PVT1: variants seen among roughly 807,000 people sequenced by gnomAD.
PVT1 encodes CXCR4/PVT1 fusion.
At chr8:127,919,213 G>A (rs543625244) in intron 3 of PVT1, among the ~76,000 whole-genome samples, 90 of 152,308 alleles carry the variant, frequency 5.9e-4, no homozygotes, top group African/African-American at 2.1e-3. Context: ...TGCACTTTAA[G>A]TAGTATTTGG....
At position 127,900,072 on chromosome 8, in the gene PVT1, C is replaced by T. The variant is rs187533611; in HGVS notation, n.782+9074C>T. Among the ~76,000 whole-genome samples the T allele has an allele frequency of 4.2e-4, 64 of 152,114 alleles. No homozygotes were observed. The East Asian group carries it at 0.011, about 26-fold the overall frequency. Reference sequence around the variant, plus strand: ...TTATTTATTTTTTGAGATGCAGTCTCGCTCTGTTGCCCAGGCTGGAATGCA... The same window carrying T: ...TTATTTATTTTTTGAGATGCAGTCTTGCTCTGTTGCCCAGGCTGGAATGCA... On this transcript the variant is annotated intron_variant and non_coding_transcript_variant, in intron 3 of 10. Coordinates refer to ENST00000651587, the Ensembl canonical transcript of PVT1.
At chr8:127,895,197 A>G (rs1435936771) in intron 3 of PVT1, among the ~76,000 whole-genome samples, 1 of 152,220 alleles carries the variant, frequency 6.6e-6, no homozygotes, top group Non-Finnish European at 1.5e-5. Flanking sequence ...AGGGCTGAGC[A>G]CAGTGGCTCA....
At chr8:128,075,002 A>T (rs1586508804) in intron 5 of PVT1, among the ~76,000 whole-genome samples, 1 of 152,270 alleles carries the variant, frequency 6.6e-6, no homozygotes, top group Non-Finnish European at 1.5e-5. Context: ...CATGGGGGTT[A>T]TATGTTTACA....
chr8:128,084,425 C>A (rs1814231366), intron 5 of PVT1, among the ~76,000 whole-genome samples: 1 of 152,194 alleles, frequency 6.6e-6, no homozygotes, highest in Non-Finnish European at 1.5e-5. Context: ...CTCAGAGAGG[C>A]CTTTTCTGAC....
intron 3 of PVT1, among the ~76,000 whole-genome samples, chr8:127,973,265 C>A (rs1816784049): frequency 6.6e-6 from 1 of 152,044 alleles, no homozygotes; most frequent in South Asian, 2.1e-4. Flanking sequence ...TACCTGAAGA[C>A]CTGGGAGACG....
chr8:127,811,344 C>T (rs1474022728), intron 2 of PVT1, among the ~76,000 whole-genome samples: 3 of 152,162 alleles, frequency 2.0e-5, no homozygotes, highest in Non-Finnish European at 2.9e-5. Context: ...ACCTGTGGGC[C>T]GTATGTGGCC....
chr8:127,860,625 C>T (rs1487367538), intron 2 of PVT1, among the ~76,000 whole-genome samples: 7 of 151,796 alleles, frequency 4.6e-5, no homozygotes, highest in Non-Finnish European at 7.4e-5. Context: ...ATTAGCTGGG[C>T]GTGGTGGCAC....
chr8:127,894,484 G>A (rs1307799004), intron 3 of PVT1, among the ~76,000 whole-genome samples: 1 of 152,218 alleles, frequency 6.6e-6, no homozygotes, highest in Non-Finnish European at 1.5e-5. Context: ...AGAGAAGCTG[G>A]TGTTTGCAGT....
At chr8:127,882,763 G>A (rs377590141) in intron 2 of PVT1, among the ~76,000 whole-genome samples, 19 of 152,132 alleles carry the variant, frequency 1.2e-4, no homozygotes, top group East Asian at 1.2e-3. Context: ...GATTACAGGC[G>A]TGAGCCACCA....
intron 3 of PVT1, chr8:127,939,429 G>A (rs923581061): frequency 3.9e-5 from 6 of 152,294 alleles, no homozygotes; most frequent in African/African-American, 1.2e-4. Context: ...TCAAAGCCTC[G>A]AGTCCCTGGC....
chr8:128,041,339 G>A (rs1398507374), intron 4 of PVT1, among the ~76,000 whole-genome samples: 1 of 148,072 alleles, frequency 6.8e-6, no homozygotes, highest in African/African-American at 2.5e-5. Flanking sequence ...CTGTGTTTAT[G>A]CTTGTATGTG....
intron 3 of PVT1, among the ~76,000 whole-genome samples, chr8:127,945,974 G>T (rs915369415): frequency 2.0e-5 from 3 of 152,154 alleles, no homozygotes; most frequent in Admixed American, 6.5e-5. Flanking sequence ...TACCAGCCTC[G>T]CTGCGGGTTG....
intron 2 of PVT1, among the ~76,000 whole-genome samples, chr8:127,844,401 T>G (rs115729970): frequency 0.044 from 6,642 of 152,272 alleles, 520 homozygotes; most frequent in African/African-American, 0.15. Flanking sequence ...TGGGTATGTT[T>G]CACACAGTTT....
At chr8:127,802,168 G>C (rs560997929) in intron 2 of PVT1, among the ~76,000 whole-genome samples, 6 of 152,202 alleles carry the variant, frequency 3.9e-5, no homozygotes, top group Admixed American at 2.0e-4. Flanking sequence ...ATCCCACTCA[G>C]CTTTCCAAAG....
At chr8:128,063,624 A>G (rs889039243) in intron 4 of PVT1, among the ~76,000 whole-genome samples, 5 of 152,204 alleles carry the variant, frequency 3.3e-5, no homozygotes, top group African/African-American at 4.8e-5. Flanking sequence ...GAGAAAGACA[A>G]ATACTAAATG....
chr8:127,869,664 C>G (rs1310035279), intron 2 of PVT1, among the ~76,000 whole-genome samples: 1 of 152,114 alleles, frequency 6.6e-6, no homozygotes, highest in African/African-American at 2.4e-5. Flanking sequence ...AACCTGCAAG[C>G]TTGAGAATGT....
chr8:127,878,416 A>T (rs1815429380), intron 2 of PVT1, among the ~76,000 whole-genome samples: 1 of 152,194 alleles, frequency 6.6e-6, no homozygotes, highest in Non-Finnish European at 1.5e-5. Context: ...ACAGATATGG[A>T]TGCAGGTTCA....
chr8:128,021,539 C>T (rs572665012), intron 4 of PVT1, among the ~76,000 whole-genome samples: 2,256 of 152,074 alleles, frequency 0.015, 56 homozygotes, highest in African/African-American at 0.051. Context: ...GTGATCCGCC[C>T]TCCTCGGCCT....
At chr8:127,939,299 G>A (rs1027495127) in intron 3 of PVT1, among the ~76,000 whole-genome samples, 2 of 152,192 alleles carry the variant, frequency 1.3e-5, no homozygotes, top group African/African-American at 2.4e-5. Context: ...AGGCACACAG[G>A]CTTCATGGAT....
Sources: gnomAD v4.1 joint callset for allele counts (sites outside exome capture counted in the v4.1 genomes callset) on GRCh38, gnomAD v4.1.1 for gene constraint, MANE v1.5 for transcripts, NCBI Gene and HGNC (gene_info 2026-07-23, HGNC 2026-07-21) for gene names.